RARB: variants seen among roughly 807,000 people sequenced by gnomAD.
RARB encodes the protein retinoic acid receptor beta.
RARB carries 17 observed loss-of-function variants against 51.9 expected under a neutral mutation model. The ratio of observed to expected loss-of-function variants is 0.33; its 90% CI spans 0.22 to 0.49. RARB has a LOEUF of 0.49. Among genes scored for constraint, RARB ranks in the 20% least tolerant of loss-of-function variants. RARB has a pLI of 0.99. For synonymous variants in RARB, 215 were observed against 195.4 expected, an observed-to-expected ratio of 1.10 and a Z score of -0.84; for missense variants, 369 against 550.8, an observed-to-expected ratio of 0.67 and a Z score of 3.30.
intron 3 of RARB, among the ~76,000 whole-genome samples, chr3:25,131,857 C>T (rs1386200656): frequency 6.6e-6 from 1 of 151,800 alleles, no homozygotes; most frequent in Non-Finnish European, 1.5e-5. Context: ...AGTTTTTCAC[C>T]GTTACTAGCA....
intron 5 of RARB, among the ~76,000 whole-genome samples, chr3:25,403,915 AT>A (rs894321528): frequency 5.9e-5 from 7 of 119,012 alleles, no homozygotes; most frequent in African/African-American, 1.5e-4. Context: ...AAAATTGAGT[AT>A]TTTTTTTTCC....
At chr3:25,526,315 G>T (rs1698645759) in intron 3 of RARB, among the ~76,000 whole-genome samples, 1 of 152,176 alleles carries the variant, frequency 6.6e-6, no homozygotes, top group African/African-American at 2.4e-5. Flanking sequence ...TGTTCTTGTA[G>T]CCCACCTGAA....
intron 5 of RARB, among the ~76,000 whole-genome samples, chr3:25,407,071 G>C (rs920836146): frequency 3.3e-5 from 5 of 152,048 alleles, no homozygotes; most frequent in Admixed American, 2.0e-4. Context: ...AATTTTTACA[G>C]TTACCTAATT....
chr3:25,566,022 A>C (rs1730240), intron 3 of RARB, among the ~76,000 whole-genome samples: 69,846 of 151,890 alleles, frequency 0.46, 16,238 homozygotes, highest in African/African-American at 0.53. Context: ...GAGTCCCTGC[A>C]CTGCCCCAGG....
chr3:25,146,916 T>C (rs1423186605), intron 4 of RARB, among the ~76,000 whole-genome samples: 1 of 152,130 alleles, frequency 6.6e-6, no homozygotes, highest in Non-Finnish European at 1.5e-5. Context: ...CTTCCTTTGA[T>C]CGAGTGCAGG....
chr3:25,526,951 G>A (rs1482392856), intron 3 of RARB, among the ~76,000 whole-genome samples: 1 of 152,226 alleles, frequency 6.6e-6, no homozygotes, highest in Non-Finnish European at 1.5e-5. Flanking sequence ...GCAACTGGAA[G>A]CAGGGTGTGT....
At chr3:25,591,198 T>G (rs575262310) in intron 5 of RARB, among the ~76,000 whole-genome samples, 36 of 152,322 alleles carry the variant, frequency 2.4e-4, no homozygotes, top group African/African-American at 8.2e-4. Flanking sequence ...AATGATCAAT[T>G]GCTAATTCAC....
At chr3:25,353,445 A>G (rs1218928586) in intron 5 of RARB, among the ~76,000 whole-genome samples, 5 of 152,170 alleles carry the variant, frequency 3.3e-5, no homozygotes, top group African/African-American at 4.8e-5. Context: ...GCTTGGCAGT[A>G]TCAATACAGA....
chr3:24,855,286 G>C (rs1178934629), intron 1 of RARB, among the ~76,000 whole-genome samples: 1 of 152,164 alleles, frequency 6.6e-6, no homozygotes, highest in Non-Finnish European at 1.5e-5. Flanking sequence ...CATAGAAAAG[G>C]AAAAACAGCA....
intron 3 of RARB, among the ~76,000 whole-genome samples, chr3:25,524,604 T>C (rs2125635745): frequency 6.7e-6 from 1 of 149,752 alleles, no homozygotes; most frequent in East Asian, 1.9e-4. Context: ...ACCCTTCTCT[T>C]CCCCCCTCCC....
chr3:25,037,720 G>A (rs1698025958), intron 2 of RARB, among the ~76,000 whole-genome samples: 1 of 152,010 alleles, frequency 6.6e-6, no homozygotes, highest in South Asian at 2.1e-4. Context: ...CAGAATTGCT[G>A]CCCTCATAGA....
At position 25,366,223 on chromosome 3, in the gene RARB, G is replaced by T. The variant is rs1293866657; in HGVS notation, c.179-94970G>T. 2.0e-5 allele frequency among the ~76,000 whole-genome samples: 3 copies of T among 152,152 alleles called. No individual in the cohort carries two copies. The East Asian group carries it at 5.8e-4, about 29-fold the overall frequency. ...TCTATATTACAAATGGGAAAGTGTT[G>T]CTCAAAGAGATCGAGAAATTTACTG... is the stretch of plus-strand genomic sequence containing the variant. On this transcript the variant is annotated intron_variant, in intron 5 of 11. Transcript: ENST00000383772.
chr3:24,976,067 G>A (rs1696505162), intron 2 of RARB, among the ~76,000 whole-genome samples: 1 of 152,110 alleles, frequency 6.6e-6, no homozygotes, highest in Non-Finnish European at 1.5e-5. Flanking sequence ...ATGGTTTCCA[G>A]CTTCATCCAT....
intron 3 of RARB, among the ~76,000 whole-genome samples, chr3:25,550,071 A>G (rs1297605869): frequency 6.6e-6 from 1 of 151,826 alleles, no homozygotes; most frequent in Non-Finnish European, 1.5e-5. Flanking sequence ...CATTCCAAGC[A>G]TAAAGAGAGA....
rs1446853320 is a variant in RARB, at chr3:25,483,127, G to A, written c.307-18055G>A. On this transcript the variant is annotated intron_variant, in intron 2 of 7. Transcript: ENST00000330688. ...AGAGATGTGAGAATTACAGCCAAGCGACACAGGCAGAGAACCCCAAAATGT... is the reference window on the plus strand; with the variant it reads ...AGAGATGTGAGAATTACAGCCAAGCAACACAGGCAGAGAACCCCAAAATGT... Among the ~76,000 whole-genome samples, 6 of 152,264 alleles carry A rather than the reference G, an allele frequency of 3.9e-5. No individual in the cohort carries two copies. In the East Asian group the frequency reaches 7.7e-4, roughly 20 times the overall value.
chr3:24,951,472 G>C (rs964062125), intron 2 of RARB, among the ~76,000 whole-genome samples: 4 of 152,152 alleles, frequency 2.6e-5, no homozygotes, highest in African/African-American at 9.7e-5. Context: ...ATGTGCTTAG[G>C]ATCTGTGAGA....
chr3:24,972,888 G>T (rs1696431904), intron 2 of RARB, among the ~76,000 whole-genome samples: 1 of 151,900 alleles, frequency 6.6e-6, no homozygotes, highest in Non-Finnish European at 1.5e-5. Flanking sequence ...ATAATCCCTT[G>T]TCATATAGTT....
intron 5 of RARB, among the ~76,000 whole-genome samples, chr3:25,181,550 G>C (rs990194741): frequency 6.6e-6 from 1 of 152,154 alleles, no homozygotes; most frequent in Non-Finnish European, 1.5e-5. Flanking sequence ...TTAATGTCCT[G>C]CAATGTATGC....
chr3:24,833,652 T>G (rs1702308853), intron 1 of RARB, among the ~76,000 whole-genome samples: 1 of 152,228 alleles, frequency 6.6e-6, no homozygotes. Context: ...CTCTTTAGTC[T>G]TCCTCATTTG....
Sources: allele counts gnomAD v4.1 joint callset (sites outside exome capture counted in the v4.1 genomes callset), GRCh38; gene constraint gnomAD v4.1.1; transcripts MANE v1.5; gene names NCBI Gene and HGNC (gene_info 2026-07-23, HGNC 2026-07-21).